Variants in PCDH7 observed in about 807,000 individuals in gnomAD.
PCDH7 encodes protocadherin 7, also known as protocadherin-7.
Under a neutral mutation model 58.9 loss-of-function variants are expected in PCDH7, and 17 were observed. The observed-to-expected ratio is 0.29, with a 90% CI of 0.20 to 0.43. The LOEUF (loss-of-function observed/expected upper bound fraction) is 0.43, where lower values mean the gene tolerates loss of function less well. Ranked by LOEUF, PCDH7 falls within the 20% of genes least tolerant of loss-of-function variation. PCDH7 has a pLI of 1.00. For missense variants in PCDH7, 1,274 were observed against 1,441.0 expected (o/e 0.88, Z 1.88); for synonymous variants, 664 against 616.4 (o/e 1.08, Z -1.14).
intron 3 of PCDH7, among the ~76,000 whole-genome samples, chr4:31,059,410 C>T (rs1015772683): frequency 1.3e-5 from 2 of 151,414 alleles, no homozygotes; most frequent in African/African-American, 4.9e-5. Flanking sequence ...TTATCCAGGC[C>T]TCTTCAACAC....
At chr4:31,106,479 G>A (rs1715598904) in intron 3 of PCDH7, among the ~76,000 whole-genome samples, 1 of 152,204 alleles carries the variant, frequency 6.6e-6, no homozygotes, top group Non-Finnish European at 1.5e-5. Flanking sequence ...GTGCGATGAA[G>A]TGAGGTTTCC....
At chr4:31,035,539 C>G (rs34189753) in intron 3 of PCDH7, among the ~76,000 whole-genome samples, 19,884 of 152,258 alleles carry the variant, frequency 0.13, 1,611 homozygotes, top group East Asian at 0.33. Flanking sequence ...CAGGCTTGAG[C>G]CACAGCGTCG....
At chr4:30,731,232 G>A in exon 2 of PCDH7, 7 of 706,902 alleles carry the variant, frequency 9.9e-6, no homozygotes, top group Non-Finnish European at 1.2e-5. Flanking sequence ...TAAGTGCCAT[G>A]TAATCACAGG....
rs571804929 is a variant in PCDH7 at position 30,921,729 on chromosome 4, A to C, written c.287+1360A>C. On this transcript the variant is annotated intron_variant, in intron 2 of 3. Transcript: ENST00000509759. Reference sequence around the variant, plus strand: ...GAGTCTGGTGTGGTTTCTAAGAGTTACATTTTTTTTAGTAATTTTTTTAAT... The same window carrying C: ...GAGTCTGGTGTGGTTTCTAAGAGTTCCATTTTTTTTAGTAATTTTTTTAAT... 5.9e-5 allele frequency among the ~76,000 whole-genome samples: 9 copies of C among 152,078 alleles called. No homozygotes were observed. The East Asian group carries it at 1.5e-3, about 26-fold the overall frequency.
At chr4:31,134,565 T>C (rs1263847771) in intron 3 of PCDH7, among the ~76,000 whole-genome samples, 2 of 152,236 alleles carry the variant, frequency 1.3e-5, no homozygotes, top group African/African-American at 4.8e-5. Flanking sequence ...AATATATCTA[T>C]GATCATTATT....
intron 3 of PCDH7, among the ~76,000 whole-genome samples, chr4:31,090,132 G>C (rs567791321): frequency 6.6e-6 from 1 of 152,148 alleles, no homozygotes; most frequent in East Asian, 1.9e-4. Context: ...TAACCTGCCA[G>C]TTTATAGCTT....
At chr4:31,097,605 T>TAACC (rs1273522269) in intron 3 of PCDH7, among the ~76,000 whole-genome samples, 3 of 29,744 alleles carry the variant, frequency 1.0e-4, no homozygotes, top group Non-Finnish European at 1.5e-4. Context: ...TATATATATA[T>TAACC]ATATATATAT....
chr4:30,920,206 G>C (rs1468769165), exon 2 of PCDH7: 6 of 1,367,616 alleles, frequency 4.4e-6, no homozygotes, highest in Non-Finnish European at 4.9e-6. Flanking sequence ...ACCCACATCA[G>C]GGGTCACTGC....
chr4:30,930,130 G>A (rs1267870744), intron 2 of PCDH7, among the ~76,000 whole-genome samples: 2 of 152,136 alleles, frequency 1.3e-5, no homozygotes, highest in Non-Finnish European at 2.9e-5. Flanking sequence ...TATATGGAGA[G>A]ACTGATTATA....
intron 3 of PCDH7, among the ~76,000 whole-genome samples, chr4:31,006,463 A>G (rs1452652826): frequency 6.6e-6 from 1 of 152,202 alleles, no homozygotes; most frequent in South Asian, 2.1e-4. Flanking sequence ...CCTAGTAGTT[A>G]TGGCCAAAGG....
intron 3 of PCDH7, among the ~76,000 whole-genome samples, chr4:31,108,897 G>T (rs1401599614): frequency 6.6e-6 from 1 of 152,084 alleles, no homozygotes; most frequent in African/African-American, 2.4e-5. Context: ...TACCAGCTGG[G>T]TATTTCTTCT....
chr4:31,081,309 C>T (rs180848221), intron 3 of PCDH7, among the ~76,000 whole-genome samples: 150 of 152,214 alleles, frequency 9.9e-4, no homozygotes, highest in Non-Finnish European at 3.5e-4. Flanking sequence ...AATAACATGC[C>T]AGTGAAACTG....
chr4:30,759,486 T>G (rs1719754782), intron 1 of PCDH7, among the ~76,000 whole-genome samples: 1 of 152,150 alleles, frequency 6.6e-6, no homozygotes. Context: ...GCAGTCAACT[T>G]TATTCCAATC....
chr4:30,730,191 G>A (rs183850323), intron 1 of PCDH7, among the ~76,000 whole-genome samples: 26 of 151,716 alleles, frequency 1.7e-4, no homozygotes, highest in Admixed American at 4.6e-4. Context: ...GTGTATAATC[G>A]ATTTCTAGAC....
At chr4:30,957,981 C>A (rs1290295580) in intron 3 of PCDH7, among the ~76,000 whole-genome samples, 1 of 151,986 alleles carries the variant, frequency 6.6e-6, no homozygotes, top group Admixed American at 6.6e-5. Flanking sequence ...GACACTTGAA[C>A]TTAAGAAAAT....
At position 30,721,324 on chromosome 4, in the gene PCDH7, G is replaced by C. The variant is rs1219131225; in HGVS notation, c.-99G>C. 9 of 1,184,066 alleles carry C rather than the reference G, an allele frequency of 7.6e-6. No individual in the cohort carries two copies. Among genetic ancestry groups the C allele is most frequent in the Non-Finnish European group, 1.0e-5 (9 of 876,998 alleles). The allele number at this position is 1,184,066 out of a possible 1,614,324, so 73.3% of individuals were successfully genotyped here. On this transcript the variant is annotated 5_prime_UTR_variant, in exon 1 of 2. Coordinates refer to ENST00000361762, the Ensembl canonical transcript of PCDH7. The surrounding 1 kb of genome is among the most constrained non-coding windows in gnomAD (Gnocchi z 6.7). ...TCTCGCTCCTTCCTTTCCGGGAGAG[G>C]GGAGAGGACTCGGGGGAGGGCAGGC... is the stretch of plus-strand genomic sequence containing the variant.
chr4:31,005,142 G>T (rs961518346), intron 3 of PCDH7, among the ~76,000 whole-genome samples: 48 of 152,300 alleles, frequency 3.2e-4, no homozygotes, highest in African/African-American at 1.1e-3. Flanking sequence ...GGTTTATCTT[G>T]TAAAAGTGCT....
At chr4:30,736,577 C>T (rs1716311608), downstream of PCDH7, among the ~76,000 whole-genome samples, 1 of 149,134 alleles carries the variant, frequency 6.7e-6, no homozygotes, top group Non-Finnish European at 1.5e-5. Context: ...GCTCTGCCGC[C>T]GGGGCTGGAG....
At chr4:31,015,328 G>A (rs1349937044) in intron 3 of PCDH7, among the ~76,000 whole-genome samples, 3 of 152,120 alleles carry the variant, frequency 2.0e-5, no homozygotes, top group African/African-American at 7.2e-5. Context: ...CATGACAGTT[G>A]TAGAATACAT....
Sources: allele counts gnomAD v4.1 joint callset (sites outside exome capture counted in the v4.1 genomes callset), GRCh38; gene constraint gnomAD v4.1.1; non-coding constraint Gnocchi (gnomAD v3.1); transcripts MANE v1.5; gene names NCBI Gene and HGNC (gene_info 2026-07-23, HGNC 2026-07-21).